Variants in RRM2 observed in about 807,000 individuals in gnomAD.
RRM2 encodes ribonucleotide reductase regulatory subunit M2.
In RRM2, 6 loss-of-function variants were observed where a neutral mutation model predicts 45.9. The ratio of observed to expected loss-of-function variants is 0.13; its 90% CI spans 0.07 to 0.26. RRM2 has a LOEUF of 0.26. Among genes scored for constraint, RRM2 ranks in the 10% least tolerant of loss-of-function variants. RRM2 has a pLI of 1.00. For missense variants in RRM2, 343 were observed against 489.5 expected (o/e 0.70, Z 2.82); for synonymous variants, 177 against 173.0 (o/e 1.02, Z -0.18).
chr2:10,139,447 TAA>T (rs1663043005), upstream of RRM2, among the ~76,000 whole-genome samples: 1 of 152,178 alleles, frequency 6.6e-6, no homozygotes, highest in Non-Finnish European at 1.5e-5. Flanking sequence ...CACTTGGCAT[TAA>T]AAAGAGACTT....
intron 3 of RRM2, among the ~76,000 whole-genome samples, chr2:10,189,160 C>A (rs73914001): frequency 6.6e-6 from 1 of 152,256 alleles, no homozygotes; most frequent in East Asian, 1.9e-4. Flanking sequence ...CCAGAACACA[C>A]GCCCTTCCCA....
At position 10,195,697 on chromosome 2, in the gene RRM2, CCCTGACTG is replaced by C. The variant is rs987993627; in HGVS notation, n.483-14611_483-14604del. 3.3e-5 allele frequency among the ~76,000 whole-genome samples: 5 copies of C among 152,146 alleles called. No homozygotes were observed. Among genetic ancestry groups the C allele is most frequent in the African/African-American group, 1.2e-4 (5 of 41,418 alleles). ...GTCCCCGACAGCCTCCTGCCTTTCTCCCTGACTGCCCAGCAGCAGTGTTCTTGGGCCTC... is the reference window on the plus strand; with the variant it reads ...GTCCCCGACAGCCTCCTGCCTTTCTCCCCAGCAGCAGTGTTCTTGGGCCTC... On this transcript the variant is annotated intron_variant and non_coding_transcript_variant, in intron 3 of 3. Coordinates refer to the RRM2 transcript ENST00000381786. This position sits in a 1 kb window ranked among gnomAD's most constrained non-coding sequence, Gnocchi z 4.9.
In RRM2 at chr2:10,203,713, C is replaced by T. The variant is rs550910693; in HGVS notation, n.483-6598C>T. On this transcript the variant is annotated intron_variant and non_coding_transcript_variant, in intron 3 of 3. Transcript: ENST00000381786. ...TTGCAGTGAGCAGAGATTGTGCCATCGCACTCCAGCCTGGGTGACAGAGTG... is the reference window on the plus strand; with the variant it reads ...TTGCAGTGAGCAGAGATTGTGCCATTGCACTCCAGCCTGGGTGACAGAGTG... 2.1e-4 allele frequency among the ~76,000 whole-genome samples: 32 copies of T among 152,106 alleles called. 1 individual carries two copies. Among genetic ancestry groups the T allele is most frequent in the African/African-American group, 6.5e-4 (27 of 41,484 alleles).
chr2:10,126,167 A>T (rs1315357740), intron 5 of RRM2, among the ~76,000 whole-genome samples: 1 of 28,132 alleles, frequency 3.6e-5, no homozygotes, highest in Non-Finnish European at 9.8e-5. Context: ...CTCTTTAAAA[A>T]AAAAAAAAAA....
Position 10,185,772 on chromosome 2 carries a change from C to T in RRM2, n.483-24539C>T, listed in dbSNP as rs1049272879. Among the ~76,000 whole-genome samples, 2 of 152,172 alleles carry T rather than the reference C, an allele frequency of 1.3e-5. No homozygotes were observed. The highest frequency in any genetic ancestry group is 2.4e-5 in the African/African-American group (1 of 41,440). ...TCCTTTCCCCCACCCTTCACCTCCC[C>T]TCTCTGTTCTCCCCAGTCTCCCCTA... On this transcript the variant is annotated intron_variant and non_coding_transcript_variant, in intron 3 of 3. Transcript: ENST00000381786. This position sits in a 1 kb window ranked among gnomAD's most constrained non-coding sequence, Gnocchi z 4.3.
chr2:10,196,229 G>A (rs747509970), intron 3 of RRM2, among the ~76,000 whole-genome samples: 31 of 152,198 alleles, frequency 2.0e-4, no homozygotes, highest in Non-Finnish European at 3.1e-4. Context: ...CAGAAGGCGC[G>A]GGGAGCAAAG....
At position 10,122,866 on chromosome 2, in the gene RRM2, A is replaced by G. The variant is rs1662691003; in HGVS notation, c.68A>G (p.Lys23Arg). The change falls in exon 1 of 10, where the codon AAG becomes AGG. Residue 23 changes from lysine (K) to arginine (R), a missense_variant. By Grantham distance (26) the Lys-to-Arg change is conservative. Coordinates refer to ENST00000304567, the MANE Select transcript of RRM2 (RefSeq NM_001034.4). ...DPQQLQLSPLKGLSLVDKENT... is the reference protein window; with the variant it reads ...DPQQLQLSPLRGLSLVDKENT... ...CAGCAGCTGCAGCTCTCGCCGCTGA[A>G]GGGGCTCAGCTTGGTCGACAAGGAG... The G allele has an allele frequency of 6.3e-7, 1 of 1,599,750 alleles. No homozygotes were observed. The highest frequency in any genetic ancestry group is 2.3e-5 in the East Asian group (1 of 44,376).
intron 3 of RRM2, among the ~76,000 whole-genome samples, chr2:10,202,351 C>A (rs1002096647): frequency 1.3e-5 from 2 of 152,188 alleles, no homozygotes; most frequent in Non-Finnish European, 2.9e-5. Flanking sequence ...TGGAACCTTT[C>A]CTTGGAATGT....
rs60421650 is a variant in RRM2 at position 10,184,091 on chromosome 2, T to TAAAAAAAAAAAAAA, written n.483-26204_483-26191dup. Among the ~76,000 whole-genome samples, 25 of 30,684 alleles carry TAAAAAAAAAAAAAA rather than the reference T, an allele frequency of 8.1e-4. 1 individual carries two copies. Among genetic ancestry groups the TAAAAAAAAAAAAAA allele is most frequent in the Non-Finnish European group, 1.1e-3 (21 of 18,400 alleles). 20.1% of individuals were successfully genotyped at this position (30,684 alleles called of 152,430 possible). On this transcript the variant is annotated intron_variant and non_coding_transcript_variant, in intron 3 of 3. Coordinates refer to the RRM2 transcript ENST00000381786. ...CTGGGTGACAGAGCGAGACTCCATC[T>TAAAAAAAAAAAAAA]AAAAAAAAAAAAAAAAAAAAAAAAA...
At chr2:10,177,628 A>G (rs929346375) in intron 3 of RRM2, among the ~76,000 whole-genome samples, 1 of 151,740 alleles carries the variant, frequency 6.6e-6, no homozygotes, top group Non-Finnish European at 1.5e-5. Flanking sequence ...CACAGTTCCA[A>G]TGCTACAAGG....
chr2:10,144,795 G>A (rs116278128), intron 3 of RRM2, among the ~76,000 whole-genome samples: 2,214 of 152,252 alleles, frequency 0.015, 46 homozygotes, highest in African/African-American at 0.05. Flanking sequence ...TGCACTTGCC[G>A]TCAGTAAATG....
chr2:10,164,552 G>A (rs1663641660), intron 3 of RRM2, among the ~76,000 whole-genome samples: 1 of 152,208 alleles, frequency 6.6e-6, no homozygotes, highest in African/African-American at 2.4e-5. Flanking sequence ...CGGGCGAAGT[G>A]AGCAGGCTGG....
At chr2:10,138,240 T>A (rs1663025317), upstream of RRM2, among the ~76,000 whole-genome samples, 1 of 151,390 alleles carries the variant, frequency 6.6e-6, no homozygotes, top group South Asian at 2.1e-4. Context: ...CAATCTCAGC[T>A]CACCACAATC....
intron 3 of RRM2, among the ~76,000 whole-genome samples, chr2:10,152,270 G>C (rs988681850): frequency 6.6e-6 from 1 of 151,926 alleles, no homozygotes; most frequent in East Asian, 1.9e-4. Flanking sequence ...TAAAAATATC[G>C]AGTTGTGTTA....
chr2:10,152,476 ATT>A lies in RRM2; in HGVS notation n.482+10115_482+10116del, dbSNP rs34724080. ...TTATAGTTTATGTTTTCTGTGTACT[ATT>A]TTTTTTTTTTTTTAATTTTTTATTT... On this transcript the variant is annotated intron_variant and non_coding_transcript_variant, in intron 3 of 3. Coordinates refer to the RRM2 transcript ENST00000381786. 3.7e-3 allele frequency among the ~76,000 whole-genome samples: 494 copies of A among 134,898 alleles called. 3 individuals are homozygous for A. The highest frequency in any genetic ancestry group is 0.011 in the Middle Eastern group (3 of 262). The allele number at this position is 134,898 out of a possible 152,430, so 88.5% of individuals were successfully genotyped here. A position where few individuals can be genotyped will look rare whatever the true frequency, so the allele number is the denominator to read the frequency against.
chr2:10,188,240 T>C (rs933151057), intron 3 of RRM2, among the ~76,000 whole-genome samples: 1 of 152,202 alleles, frequency 6.6e-6, no homozygotes, highest in Non-Finnish European at 1.5e-5. Context: ...CCTCGGTGTC[T>C]GTCAGCTCGG....
intron 3 of RRM2, among the ~76,000 whole-genome samples, chr2:10,168,267 C>T (rs72786698): frequency 6.6e-5 from 10 of 152,162 alleles, no homozygotes; most frequent in Non-Finnish European, 1.2e-4. Flanking sequence ...TCCTTCCCCC[C>T]ACCCCTGACA....
intron 3 of RRM2, among the ~76,000 whole-genome samples, chr2:10,170,128 C>A (rs893170118): frequency 1.3e-5 from 2 of 152,182 alleles, no homozygotes; most frequent in Admixed American, 6.5e-5. Flanking sequence ...AAGTCACGCT[C>A]CGGACATCCA....
upstream of RRM2, among the ~76,000 whole-genome samples, chr2:10,136,469 A>G (rs1572494341): frequency 1.3e-5 from 2 of 148,702 alleles, no homozygotes; most frequent in Admixed American, 6.8e-5. Context: ...CCACTGCTTG[A>G]CCCCCTGTTG....
Sources: gnomAD v4.1 joint callset for allele counts (sites outside exome capture counted in the v4.1 genomes callset) on GRCh38, gnomAD v4.1.1 for gene constraint, Gnocchi (gnomAD v3.1) non-coding constraint, MANE v1.5 for transcripts, NCBI Gene and HGNC (gene_info 2026-07-23, HGNC 2026-07-21) for gene names.